Variants in KL observed in about 807,000 individuals in gnomAD.
KL encodes alpha-klotho.
In KL, 62 loss-of-function variants were observed where a neutral mutation model predicts 84.2. That is an observed-to-expected ratio of 0.74 (90% CI 0.60 to 0.91). The LOEUF is 0.91. KL is among the 40% of genes least tolerant of loss of function. The pLI, the probability that KL is intolerant of heterozygous loss-of-function variation, is 0.00. For missense variants in KL, 1,261 were observed against 1,305.7 expected, an observed-to-expected ratio of 0.97 and a Z score of 0.53; for synonymous variants, 528 against 528.0, an observed-to-expected ratio of 1.00 and a Z score of 0.00.
At position 33,054,106 on chromosome 13, in the gene KL, C is replaced by T. The variant is rs775908357; in HGVS notation, c.1159C>T (p.Arg387Cys). Residue 387 changes from arginine (R) to cysteine (C), a missense_variant, in exon 2 of 5, where the codon CGC becomes TGC. Transcript: ENST00000380099. ...ACTTTTGGACCCTCACATGAAGTTCCGCCAATTGGAATCTCCCAACCTGAG... is the reference window on the plus strand; with the variant it reads ...ACTTTTGGACCCTCACATGAAGTTCTGCCAATTGGAATCTCCCAACCTGAG... ...FQLLDPHMKFRQLESPNLRQL... is the reference protein window; with the variant it reads ...FQLLDPHMKFCQLESPNLRQL... The T allele has an allele frequency of 2.1e-5, 34 of 1,613,756 alleles. No individual in the cohort carries two copies. The highest frequency in any genetic ancestry group is 5.0e-5 in the Admixed American group (3 of 59,972).
At position 33,031,139 on chromosome 13, in the gene KL, G is replaced by A. The variant is rs141787023; in HGVS notation, c.819+13880G>A. The stretch of plus-strand genomic sequence containing the variant: ...CCTAGCTCAATGAATGTATAGACAT[G>A]TAAGGGTATTGAAAGTTCACCTTCA... On this transcript the variant is annotated intron_variant, in intron 1 of 4. Transcript: ENST00000380099. Among the ~76,000 whole-genome samples, 167 of 152,340 alleles carry A rather than the reference G, an allele frequency of 1.1e-3. 3 individuals are homozygous for A. The highest frequency in any genetic ancestry group is 0.01 in the Admixed American group (158 of 15,298).
rs1418626059 is a variant in KL, at chr13:33,060,940, T to G, written c.1861T>G (p.Cys621Gly). The change falls in exon 4 of 5, where the codon TGC (cysteine) becomes GGC (glycine). Residue 621 changes from cysteine to glycine, a missense_variant. By Grantham distance (159) the Cys-to-Gly change is radical. Coordinates refer to ENST00000380099, the MANE Select transcript of KL (RefSeq NM_004795.4). ...CCACACCATCCTGCAGTACTATCGC[T>G]GCATGGCCAGCGAGCTTGTCCGTGT... is the stretch of plus-strand genomic sequence containing the variant. ...VNHTILQYYR[C>G]MASELVRVNI... 5.6e-6 allele frequency: 9 copies of G among 1,612,140 alleles called. No homozygotes were observed. In the Admixed American group the frequency reaches 1.5e-4, roughly 27 times the overall value.
At chr13:33,023,919 C>T (rs1007054105) in intron 1 of KL, among the ~76,000 whole-genome samples, 4 of 152,186 alleles carry the variant, frequency 2.6e-5, no homozygotes, top group South Asian at 2.1e-4. Flanking sequence ...CTCTCCAGGA[C>T]GAACTCCTTA....
At chr13:33,036,863 C>A (rs1213797140) in intron 1 of KL, among the ~76,000 whole-genome samples, 1 of 151,888 alleles carries the variant, frequency 6.6e-6, no homozygotes. Flanking sequence ...ATAAAATAAA[C>A]CTATTATTGA....
chr13:33,016,806 G>T lies in KL; in HGVS notation c.366G>T (p.Gly122=), dbSNP rs1185324595. The change falls in exon 1 of 5, where the codon GGG becomes GGT. Residue 122 remains glycine (G), a synonymous_variant. Transcript: ENST00000380099. ...GAPSPLQPAT[G]DVASDSYNNV... is the part of the protein sequence containing the mutation. ...CGTCGCCGCTGCAGCCCGCCACCGG[G>T]GACGTAGCCAGCGACAGCTACAACA... is the stretch of plus-strand genomic sequence containing the variant. 1.9e-6 allele frequency: 3 copies of T among 1,612,476 alleles called. No homozygotes were observed. Among genetic ancestry groups the T allele is most frequent in the Non-Finnish European group, 2.5e-6 (3 of 1,179,776 alleles).
At chr13:33,029,358 AAT>A (rs1292470023) in intron 1 of KL, among the ~76,000 whole-genome samples, 7 of 152,230 alleles carry the variant, frequency 4.6e-5, no homozygotes, top group Non-Finnish European at 7.3e-5. Flanking sequence ...CCCATGAATC[AAT>A]GTTTCAAACA....
chr13:33,040,251 A>G (rs1348575504), intron 1 of KL, among the ~76,000 whole-genome samples: 1 of 152,230 alleles, frequency 6.6e-6, no homozygotes, highest in African/African-American at 2.4e-5. Context: ...AAATAAGAGA[A>G]ATAATTTGGT....
intron 1 of KL, among the ~76,000 whole-genome samples, chr13:33,036,085 G>A (rs369374824): frequency 9.2e-5 from 14 of 152,214 alleles, no homozygotes; most frequent in African/African-American, 3.4e-4. Flanking sequence ...CCTTTGTCTT[G>A]CCTGGTTGTT....
intron 1 of KL, among the ~76,000 whole-genome samples, chr13:33,024,937 C>T (rs111281146): frequency 2.6e-5 from 4 of 152,062 alleles, no homozygotes; most frequent in East Asian, 1.9e-4. Flanking sequence ...TTGGGCTGCA[C>T]GAGAGATTCA....
Position 33,053,776 on chromosome 13 carries a change from A to G in KL, c.829A>G (p.Lys277Glu). ...GTTTTTCTCTTCATAGGCTCATGCCAAAGTCTGGCATCTCTACAATACTTC... is the reference window on the plus strand; with the variant it reads ...GTTTTTCTCTTCATAGGCTCATGCCGAAGTCTGGCATCTCTACAATACTTC... ...VAHNLLLAHA[K>E]VWHLYNTSFR... The change falls in exon 2 of 5, where the codon AAA becomes GAA. Residue 277 changes from lysine to glutamate, a missense_variant. Physicochemically the swap from Lys to Glu is moderately conservative, Grantham distance 56. Transcript: ENST00000380099. The G allele has an allele frequency of 6.2e-7, 1 of 1,614,178 alleles. No homozygotes were observed. The highest frequency in any genetic ancestry group is 1.1e-5 in the South Asian group (1 of 91,086).
rs1490690413 is a variant in KL, at chr13:33,054,112, T to C, written c.1165T>C (p.Leu389=). The C allele has an allele frequency of 1.2e-6, 2 of 1,613,974 alleles. No homozygotes were observed. The highest frequency in any genetic ancestry group is 1.7e-5 in the Admixed American group (1 of 59,998). ...LLDPHMKFRQ[L]ESPNLRQLLS... ...GGACCCTCACATGAAGTTCCGCCAA[T>C]TGGAATCTCCCAACCTGAGGCAACT... Residue 389 remains leucine, a synonymous_variant, in exon 2 of 5, where the codon TTG becomes CTG. Coordinates refer to ENST00000380099, the MANE Select transcript of KL (RefSeq NM_004795.4).
chr13:33,039,473 C>T (rs1411653579), intron 1 of KL, among the ~76,000 whole-genome samples: 1 of 151,956 alleles, frequency 6.6e-6, no homozygotes, highest in African/African-American at 2.4e-5. Flanking sequence ...GGTGAAGAGC[C>T]ACCAACTTAG....
At chr13:33,021,969 T>C (rs1373718355) in intron 1 of KL, among the ~76,000 whole-genome samples, 1 of 152,252 alleles carries the variant, frequency 6.6e-6, no homozygotes, top group Non-Finnish European at 1.5e-5. Context: ...AATTCAATAG[T>C]GCATTTAGTC....
In KL at chr13:33,058,489, C is replaced by T. The variant is rs188311850; in HGVS notation, c.1600-2190C>T. Among the ~76,000 whole-genome samples the T allele has an allele frequency of 6.8e-3, 1,026 of 151,970 alleles. 44 individuals are homozygous for T. Among genetic ancestry groups the T allele is most frequent in the Non-Finnish European group, 1.5e-3 (99 of 67,972 alleles). On this transcript the variant is annotated intron_variant, in intron 3 of 4. Coordinates refer to ENST00000380099, the MANE Select transcript of KL (RefSeq NM_004795.4). ...CTGAGTAGCTGGGGCTACAGGTGCC[C>T]GCCACCGCACCCGGCTAATTTTTTG... is the stretch of plus-strand genomic sequence containing the variant.
intron 1 of KL, among the ~76,000 whole-genome samples, chr13:33,023,756 A>G (rs1870656112): frequency 1.3e-5 from 2 of 152,226 alleles, no homozygotes; most frequent in African/African-American, 4.8e-5. Context: ...GTATCATTAT[A>G]GCTTGATAAA....
intron 1 of KL, among the ~76,000 whole-genome samples, chr13:33,053,357 T>G (rs1038488071): frequency 5.3e-5 from 8 of 152,208 alleles, no homozygotes; most frequent in African/African-American, 1.9e-4. Context: ...AAAAATATAA[T>G]CCTATTTAGA....
intron 1 of KL, among the ~76,000 whole-genome samples, chr13:33,019,089 T>G (rs975287117): frequency 1.2e-5 from 1 of 80,638 alleles, no homozygotes; most frequent in African/African-American, 4.4e-5. Flanking sequence ...GGGAAATTAG[T>G]AACAGGTGAA....
At chr13:33,043,063 T>A (rs757198102) in intron 1 of KL, among the ~76,000 whole-genome samples, 6 of 152,208 alleles carry the variant, frequency 3.9e-5, no homozygotes, top group Non-Finnish European at 5.9e-5. Context: ...TCATTTCTCT[T>A]GGTAAATACC....
At chr13:33,053,621 G>A in intron 1 of KL, 146 bp from the exon 2 acceptor site, 1 of 761,116 alleles carries the variant, frequency 1.3e-6, no homozygotes, top group Non-Finnish European at 2.2e-6. Flanking sequence ...TTGAAATAAT[G>A]TATTGGTTCT....
Sources: allele counts gnomAD v4.1 joint callset (sites outside exome capture counted in the v4.1 genomes callset), GRCh38; gene constraint gnomAD v4.1.1; transcripts MANE v1.5; gene names NCBI Gene and HGNC (gene_info 2026-07-23, HGNC 2026-07-21).